The following CYP27A1 variants were observed in gnomAD, a reference collection of about 807,000 sequenced individuals.
CYP27A1 encodes sterol 26-hydroxylase, mitochondrial.
A neutral mutation model predicts 58.2 loss-of-function variants in CYP27A1; 46 were observed. The observed-to-expected ratio is 0.79, with a 90% CI of 0.62 to 1.01. CYP27A1 has a LOEUF of 1.01. Among genes scored for constraint, CYP27A1 ranks in the 50% least tolerant of loss-of-function variants. The pLI, the probability that CYP27A1 is intolerant of heterozygous loss-of-function variation, is 0.00. For synonymous variants in CYP27A1, 274 were observed against 285.1 expected, an observed-to-expected ratio of 0.96 and a Z score of 0.39; for missense variants, 704 against 687.0, an observed-to-expected ratio of 1.02 and a Z score of -0.28.
chr2:218,795,629 G>A (rs1042557463), intron 1 of CYP27A1, among the ~76,000 whole-genome samples: 9 of 152,158 alleles, frequency 5.9e-5, no homozygotes, highest in African/African-American at 2.2e-4. Context: ...ATCCATCTGA[G>A]CTGCAGCCAA....
chr2:218,814,428 T>G lies in CYP27A1; in HGVS notation c.1233T>G (p.Ile411Met). The change falls in exon 7 of 9, where the codon ATT becomes ATG. Residue 411 changes from isoleucine to methionine, a missense_variant. By Grantham distance (10) the Ile-to-Met change is conservative. Coordinates refer to ENST00000258415, the MANE Select transcript of CYP27A1 (RefSeq NM_000784.4). ...ACTCCCGGATCATAGAAAAGGAAATTGAAGTTGATGGCTTCCTCTTCCCCA... is the reference window on the plus strand; with the variant it reads ...ACTCCCGGATCATAGAAAAGGAAATGGAAGTTGATGGCTTCCTCTTCCCCA... ...PTNSRIIEKE[I>M]EVDGFLFPKN... 1 of 1,614,194 alleles carries G rather than the reference T, an allele frequency of 6.2e-7. No individual in the cohort carries two copies. Among genetic ancestry groups the G allele is most frequent in the Non-Finnish European group, 8.5e-7 (1 of 1,180,020 alleles).
intron 1 of CYP27A1, among the ~76,000 whole-genome samples, chr2:218,803,068 C>G (rs1252563003): frequency 6.6e-6 from 1 of 152,138 alleles, no homozygotes. Flanking sequence ...CCTCAGCCTC[C>G]CAAGTAGCTG....
chr2:218,802,838 G>T (rs1265812860), intron 1 of CYP27A1, among the ~76,000 whole-genome samples: 2 of 152,050 alleles, frequency 1.3e-5, no homozygotes, highest in Non-Finnish European at 2.9e-5. Flanking sequence ...GCTTTGGTTT[G>T]CATTTCCTTA....
At chr2:218,784,359 C>T (rs1943423328) in intron 1 of CYP27A1, among the ~76,000 whole-genome samples, 1 of 152,182 alleles carries the variant, frequency 6.6e-6, no homozygotes. Flanking sequence ...CTGCTGTAAC[C>T]TTTGTTTCTC....
At chr2:218,794,714 G>T (rs1234116137) in intron 1 of CYP27A1, among the ~76,000 whole-genome samples, 1 of 152,128 alleles carries the variant, frequency 6.6e-6, no homozygotes, top group African/African-American at 2.4e-5. Context: ...TGAGGGGAGT[G>T]TCCTGTAGTA....
At chr2:218,802,823 C>T (rs1943612477) in intron 1 of CYP27A1, among the ~76,000 whole-genome samples, 1 of 152,110 alleles carries the variant, frequency 6.6e-6, no homozygotes, top group Admixed American at 6.6e-5. Flanking sequence ...TTGTGGTTAA[C>T]AGTGGCTTTG....
At chr2:218,810,389 A>C (rs1450934700) in intron 2 of CYP27A1, among the ~76,000 whole-genome samples, 3 of 152,216 alleles carry the variant, frequency 2.0e-5, no homozygotes, top group East Asian at 3.8e-4. Flanking sequence ...GCTCAGATTT[A>C]GAATCGGAGC....
At chr2:218,803,986 G>A (rs1482749091) in intron 1 of CYP27A1, among the ~76,000 whole-genome samples, 1 of 151,664 alleles carries the variant, frequency 6.6e-6, no homozygotes, top group Non-Finnish European at 1.5e-5. Flanking sequence ...GCCCACCTCG[G>A]CCTCCCAAAG....
At chr2:218,800,905 T>C (rs1943593703) in intron 1 of CYP27A1, among the ~76,000 whole-genome samples, 1 of 152,234 alleles carries the variant, frequency 6.6e-6, no homozygotes, top group African/African-American at 2.4e-5. Flanking sequence ...TCTTTTTCAA[T>C]AAACACACTT....
rs1575206371 is a variant in CYP27A1 at position 218,813,093 on chromosome 2, C to T, written c.1014C>T (p.Asp338=). 6.2e-7 allele frequency: 1 copy of T among 1,609,144 alleles called. No individual in the cohort carries two copies. Among genetic ancestry groups the T allele is most frequent in the Non-Finnish European group, 8.5e-7 (1 of 1,176,514 alleles). ...SLPELLMAGV[D]TTSNTLTWAL... is the part of the protein sequence containing the mutation. ...CTGAGCTGCTCATGGCTGGAGTGGA[C>T]ACGGTGCGTGAAGGGGGAGGGTGAG... Residue 338 remains aspartate, a synonymous_variant, in exon 5 of 9, where the codon GAC becomes GAT. Coordinates refer to ENST00000258415, the MANE Select transcript of CYP27A1 (RefSeq NM_000784.4).
At chr2:218,801,790 T>C (rs1559389155) in intron 1 of CYP27A1, among the ~76,000 whole-genome samples, 1 of 152,076 alleles carries the variant, frequency 6.6e-6, no homozygotes, top group African/African-American at 2.4e-5. Context: ...TGTGTATTCA[T>C]ACATATTTTC....
chr2:218,809,580 C>A lies in CYP27A1; in HGVS notation c.259C>A (p.Leu87Ile), dbSNP rs1170171291. 6.2e-7 allele frequency: 1 copy of A among 1,610,806 alleles called. No individual in the cohort carries two copies. Among genetic ancestry groups the A allele is most frequent in the Non-Finnish European group, 8.5e-7 (1 of 1,178,216 alleles). ...YALQLHQLQV[L>I]YKAKYGPMWM... Reference sequence around the variant, plus strand: ...CAGTTTTGATTGAACTCCACAGGTGCTTTACAAGGCCAAGTACGGTCCAAT... The same window carrying A: ...CAGTTTTGATTGAACTCCACAGGTGATTTACAAGGCCAAGTACGGTCCAAT... Residue 87 changes from leucine (L) to isoleucine (I), a missense_variant, in exon 2 of 9, where the codon CTT becomes ATT. Physicochemically the swap from Leu to Ile is conservative, Grantham distance 5. Coordinates refer to ENST00000258415, the MANE Select transcript of CYP27A1 (RefSeq NM_000784.4).
chr2:218,812,159 G>T (rs760683462), intron 2 of CYP27A1, 63 bp from the exon 3 acceptor site: 6 of 1,287,278 alleles, frequency 4.7e-6, no homozygotes, highest in Non-Finnish European at 6.8e-6. Context: ...AGGGTGAGAA[G>T]ATCTCCCTTA....
At chr2:218,791,645 G>A (rs555189993) in intron 1 of CYP27A1, among the ~76,000 whole-genome samples, 3 of 152,276 alleles carry the variant, frequency 2.0e-5, no homozygotes, top group African/African-American at 7.2e-5. Flanking sequence ...AGTATGTGGA[G>A]GGACCCTTCT....
intron 1 of CYP27A1, among the ~76,000 whole-genome samples, chr2:218,792,436 CCAGT>C (rs1310815522): frequency 6.6e-6 from 1 of 152,028 alleles, no homozygotes. Flanking sequence ...GTTTTATAAA[CCAGT>C]CAGTTTCTTC....
In CYP27A1 at chr2:218,814,476, GC is replaced by G. The variant is rs750685960; in HGVS notation, c.1263+21del. On this transcript the variant is annotated intron_variant, in intron 7 of 8. Transcript: ENST00000258415. ...CCAAGAACGTGAGTGGGGCTAGAGA[GC>G]CCGATTGCCCAGGAGTGCCCTATGC... 6.2e-7 allele frequency: 1 copy of G among 1,613,936 alleles called. No individual in the cohort carries two copies. The highest frequency in any genetic ancestry group is 8.5e-7 in the Non-Finnish European group (1 of 1,179,848).
At position 218,812,750 on chromosome 2, in the gene CYP27A1, G is replaced by C. The variant is rs397515354; in HGVS notation, c.844+1G>C. On this transcript the variant is annotated splice_donor_variant, in intron 4 of 8. Coordinates refer to ENST00000258415, the MANE Select transcript of CYP27A1 (RefSeq NM_000784.4). LOFTEE classifies it high-confidence loss of function. ...GGTTGGAATGCCATCTTTTCCTTTG[G>C]TGAGGACTCCCAGATGGGGCCCAGG... 1 of 1,614,170 alleles carries C rather than the reference G, an allele frequency of 6.2e-7. No individual in the cohort carries two copies. The highest frequency in any genetic ancestry group is 1.1e-5 in the South Asian group (1 of 91,078).
At chr2:218,810,846 A>C (rs1943706184) in intron 2 of CYP27A1, among the ~76,000 whole-genome samples, 1 of 152,080 alleles carries the variant, frequency 6.6e-6, no homozygotes, top group South Asian at 2.1e-4. Context: ...TAAAGAAAAA[A>C]TATATATTAA....
At position 218,812,315 on chromosome 2, in the gene CYP27A1, G is replaced by A. The variant is rs1238433654; in HGVS notation, c.540G>A (p.Glu180=). The change falls in exon 3 of 9, where the codon GAG becomes GAA. Residue 180 remains glutamate, a synonymous_variant. Transcript: ENST00000258415. ...EAALYTDAFN[E]VIDDFMTRLD... ...CGCTCTATACGGATGCTTTCAATGAGGTGATTGATGACTTTATGACTCGAC... is the reference window on the plus strand; with the variant it reads ...CGCTCTATACGGATGCTTTCAATGAAGTGATTGATGACTTTATGACTCGAC... The A allele has an allele frequency of 4.3e-6, 7 of 1,614,240 alleles. No individual in the cohort carries two copies. Among genetic ancestry groups the A allele is most frequent in the Non-Finnish European group, 5.9e-6 (7 of 1,180,044 alleles).
Sources: allele counts gnomAD v4.1 joint callset (sites outside exome capture counted in the v4.1 genomes callset), GRCh38; gene constraint gnomAD v4.1.1; transcripts MANE v1.5; gene names NCBI Gene and HGNC (gene_info 2026-07-23, HGNC 2026-07-21).